Variants in UBE2H observed in about 807,000 individuals in gnomAD.
The protein encoded by UBE2H is ubiquitin conjugating enzyme E2 H, also known as ubiquitin-conjugating enzyme E2 H.
In UBE2H, 3 loss-of-function variants were observed where a neutral mutation model predicts 29.0. The observed-to-expected ratio is 0.10, with a 90% confidence interval of 0.05 to 0.27. The LOEUF (loss-of-function observed/expected upper bound fraction) is 0.27, where lower values mean the gene tolerates loss of function less well. UBE2H is among the 10% of genes least tolerant of loss of function. The pLI is 1.00. For synonymous variants in UBE2H, 69 were observed against 82.9 expected (o/e 0.83, Z 0.91); for missense variants, 68 against 228.2 (o/e 0.30, Z 4.52).
At chr7:129,852,456 G>T (rs1805628291) in intron 5 of UBE2H, among the ~76,000 whole-genome samples, 1 of 146,064 alleles carries the variant, frequency 6.8e-6, no homozygotes, top group African/African-American at 2.5e-5. Flanking sequence ...GACAGAGCGA[G>T]ACTCCGTCTC....
intron 6 of UBE2H, 128 bp from the exon 7 acceptor site, chr7:129,835,189 AGTAATC>A: frequency 7.5e-7 from 1 of 1,333,134 alleles, no homozygotes; most frequent in Non-Finnish European, 1.0e-6. Flanking sequence ...CAAAGATGAC[AGTAATC>A]ATGATCACTA....
intron 1 of UBE2H, among the ~76,000 whole-genome samples, chr7:129,895,288 C>G (rs1806577672): frequency 6.6e-6 from 1 of 152,098 alleles, no homozygotes; most frequent in African/African-American, 2.4e-5. Context: ...AGGCGGAAGA[C>G]CTAGACCTGC....
At chr7:129,924,537 T>C (rs1242561469) in intron 1 of UBE2H, among the ~76,000 whole-genome samples, 3 of 152,034 alleles carry the variant, frequency 2.0e-5, no homozygotes, top group Non-Finnish European at 4.4e-5. Context: ...TGAGATTTTA[T>C]GTCATAACTC....
At chr7:129,905,880 C>T (rs1198987135) in intron 1 of UBE2H, among the ~76,000 whole-genome samples, 3 of 152,112 alleles carry the variant, frequency 2.0e-5, no homozygotes, top group East Asian at 3.9e-4. Flanking sequence ...ATGGTTTGAG[C>T]CCAGGAGCCA....
At chr7:129,916,184 AAC>A (rs536685261) in intron 1 of UBE2H, among the ~76,000 whole-genome samples, 48 of 152,298 alleles carry the variant, frequency 3.2e-4, no homozygotes, top group African/African-American at 1.2e-3. Flanking sequence ...TAACATCCTA[AAC>A]ACAAAGTTTA....
chr7:129,886,774 A>ATTTTTTTGGT, intron 1 of UBE2H, among the ~76,000 whole-genome samples: 2 of 118,336 alleles, frequency 1.7e-5, no homozygotes, highest in Admixed American at 8.5e-5. Context: ...TGGTAAAAAA[A>ATTTTTTTGGT]AAAAAAAAAA....
rs1383224270 is a variant in UBE2H at position 129,871,851 on chromosome 7, A to T, written c.205+7717T>A. On this transcript the variant is annotated intron_variant, in intron 3 of 6. Coordinates refer to ENST00000355621, the MANE Select transcript of UBE2H (RefSeq NM_003344.4). Reference sequence around the variant, plus strand: ...GGAATTTTGCCTCCCCAGCCCCAAAATTCATTTTATTTGAGACGGAGTCTC... The same window carrying T: ...GGAATTTTGCCTCCCCAGCCCCAAATTTCATTTTATTTGAGACGGAGTCTC... Among the ~76,000 whole-genome samples the T allele has an allele frequency of 5.9e-5, 9 of 152,254 alleles. No homozygotes were observed. In the East Asian group the frequency reaches 1.7e-3, roughly 29 times the overall value.
At chr7:129,888,998 G>A (rs759416036) in intron 1 of UBE2H, among the ~76,000 whole-genome samples, 18 of 152,306 alleles carry the variant, frequency 1.2e-4, no homozygotes, top group Middle Eastern at 3.4e-3. Flanking sequence ...TGGACATGTC[G>A]AGGTGGGAGA....
intron 1 of UBE2H, among the ~76,000 whole-genome samples, chr7:129,919,561 G>A (rs1358757373): frequency 6.6e-6 from 1 of 152,134 alleles, no homozygotes; most frequent in Admixed American, 6.6e-5. Flanking sequence ...CACCCGGAAT[G>A]CCCCTCAACT....
At chr7:129,934,943 A>ATGTG (rs1491076841) in intron 1 of UBE2H, among the ~76,000 whole-genome samples, 1 of 149,444 alleles carries the variant, frequency 6.7e-6, no homozygotes, top group African/African-American at 2.5e-5. Context: ...ATATATATAT[A>ATGTG]TATGTGTGTG....
intron 5 of UBE2H, chr7:129,839,556 A>T: frequency 2.1e-6 from 1 of 472,602 alleles, no homozygotes; most frequent in Non-Finnish European, 3.5e-6. Flanking sequence ...TATACCTGAC[A>T]TTCACTTTGA....
chr7:129,868,586 CAAAAAAAAAAAAAA>C (rs11356893), intron 3 of UBE2H, among the ~76,000 whole-genome samples: 148 of 69,542 alleles, frequency 2.1e-3, no homozygotes, highest in South Asian at 0.01. Flanking sequence ...GACTCCGTCT[CAAAAAAAAAAAAAA>C]AAAAAAAAAA....
At chr7:129,839,483 T>C in intron 5 of UBE2H, 148 bp from the exon 6 acceptor site, 3 of 979,174 alleles carry the variant, frequency 3.1e-6, no homozygotes, top group Non-Finnish European at 4.4e-6. Flanking sequence ...GTGACTTGTA[T>C]TACACATTCA....
At chr7:129,858,468 TAGAA>T (rs1442103372) in intron 4 of UBE2H, among the ~76,000 whole-genome samples, 1 of 152,172 alleles carries the variant, frequency 6.6e-6, no homozygotes, top group African/African-American at 2.4e-5. Context: ...AATAAAATAT[TAGAA>T]GGAAAGAAGG....
intron 2 of UBE2H, among the ~76,000 whole-genome samples, chr7:129,880,618 T>G (rs1806234482): frequency 6.6e-6 from 1 of 152,238 alleles, no homozygotes; most frequent in African/African-American, 2.4e-5. Flanking sequence ...TGGGAGGATG[T>G]GTGTAGGTTA....
chr7:129,873,050 C>T (rs1309801080), intron 3 of UBE2H, among the ~76,000 whole-genome samples: 2 of 148,854 alleles, frequency 1.3e-5, no homozygotes, highest in African/African-American at 4.9e-5. Context: ...ACAAGAGTCT[C>T]GCTCTGTTGC....
At chr7:129,907,327 G>C (rs958185830) in intron 1 of UBE2H, among the ~76,000 whole-genome samples, 1 of 151,890 alleles carries the variant, frequency 6.6e-6, no homozygotes, top group Non-Finnish European at 1.5e-5. Flanking sequence ...GTAAAGCCTG[G>C]ATCGTGTAAG....
At chr7:129,879,814 T>C (rs1806218770) in intron 2 of UBE2H, among the ~76,000 whole-genome samples, 172 bp from the exon 3 acceptor site, 1 of 152,214 alleles carries the variant, frequency 6.6e-6, no homozygotes, top group Non-Finnish European at 1.5e-5. Flanking sequence ...TTAAGATACT[T>C]TTCTTGGAAA....
chr7:129,866,248 T>C (rs1006737171), intron 3 of UBE2H, among the ~76,000 whole-genome samples: 14 of 152,194 alleles, frequency 9.2e-5, no homozygotes, highest in Non-Finnish European at 2.1e-4. Context: ...GGTCCTCTTT[T>C]CTGTTTCTTC....
Sources: gnomAD v4.1 joint callset for allele counts (sites outside exome capture counted in the v4.1 genomes callset) on GRCh38, gnomAD v4.1.1 for gene constraint, MANE v1.5 for transcripts, NCBI Gene and HGNC (gene_info 2026-07-23, HGNC 2026-07-21) for gene names.